Variants in ATP2A1 observed in about 807,000 individuals in gnomAD.
ATP2A1 encodes the protein ATPase sarcoplasmic/endoplasmic reticulum Ca2+ transporting 1, also known as sarcoplasmic/endoplasmic reticulum calcium ATPase 1.
Under a neutral mutation model 109.5 loss-of-function variants are expected in ATP2A1, and 83 were observed. That is an observed-to-expected ratio of 0.76 (90% confidence interval 0.63 to 0.91). The LOEUF (loss-of-function observed/expected upper bound fraction) is 0.91, where lower values mean the gene tolerates loss of function less well. Among genes scored for constraint, ATP2A1 ranks in the 40% least tolerant of loss-of-function variants. The pLI, the probability that ATP2A1 is intolerant of heterozygous loss-of-function variation, is 0.00. For missense variants in ATP2A1, 1,101 were observed against 1,341.0 expected, an observed-to-expected ratio of 0.82 and a Z score of 2.80; for synonymous variants, 505 against 537.6, an observed-to-expected ratio of 0.94 and a Z score of 0.84.
chr16:28,879,229 G>A lies in ATP2A1; in HGVS notation c.136+113G>A, dbSNP rs868817885. ...TTTGAGCAAATATCCCTTCCCAAAA[G>A]GCAAATCTCCCTCCCTAAAGGTTAG... On this transcript the variant is annotated intron_variant, in intron 2 of 22. Coordinates refer to ENST00000395503, the MANE Select transcript of ATP2A1 (RefSeq NM_004320.6). 1.1e-5 allele frequency: 15 copies of A among 1,358,106 alleles called. No homozygotes were observed. The Middle Eastern group carries it at 2.5e-3, about 228-fold the overall frequency. The allele number at this position is 1,358,106 out of a possible 1,614,324, so 84.1% of individuals were successfully genotyped here.
Position 28,903,249 on chromosome 16 carries a change from G to A in ATP2A1, c.2863-74G>A. ...GGGCGCCGATGTGGGAGGCTGGTGG[G>A]AGTGGGCTGGGCAGTGCTGGTCTCT... On this transcript the variant is annotated intron_variant, in intron 20 of 22. Coordinates refer to ENST00000395503, the MANE Select transcript of ATP2A1 (RefSeq NM_004320.6). The surrounding 1 kb of genome is among the most constrained non-coding windows in gnomAD (Gnocchi z 5.6). 6.4e-7 allele frequency: 1 copy of A among 1,572,412 alleles called. No individual in the cohort carries two copies. The highest frequency in any genetic ancestry group is 1.7e-5 in the Admixed American group (1 of 59,940).
At chr16:28,892,252 G>T in intron 9 of ATP2A1, 1 of 218,586 alleles carries the variant, frequency 4.6e-6, no homozygotes, top group South Asian at 4.8e-5. Context: ...TCAAACGTCA[G>T]CTTGAGAACA....
intron 1 of ATP2A1, 115 bp downstream of exon 1, chr16:28,878,904 G>A: frequency 3.7e-6 from 5 of 1,345,452 alleles, no homozygotes; most frequent in African/African-American, 2.9e-5. Flanking sequence ...GAGCTGGGCC[G>A]TTGTCCAATG....
At chr16:28,895,629 C>T (rs575420250) in intron 12 of ATP2A1, among the ~76,000 whole-genome samples, 15 of 151,094 alleles carry the variant, frequency 9.9e-5, no homozygotes, top group Admixed American at 9.2e-4. Context: ...AGTTTAAGAC[C>T]GGCCTGGGCA....
rs930541744 is a variant in ATP2A1 at position 28,883,084 on chromosome 16, G to A, written c.463+495G>A. Among the ~76,000 whole-genome samples, 7 of 152,228 alleles carry A rather than the reference G, an allele frequency of 4.6e-5. No individual in the cohort carries two copies. Among genetic ancestry groups the A allele is most frequent in the Admixed American group, 2.6e-4 (4 of 15,288 alleles). On this transcript the variant is annotated intron_variant, in intron 5 of 22. Transcript: ENST00000395503. This position sits in a 1 kb window ranked among gnomAD's most constrained non-coding sequence, Gnocchi z 5.2. ...AACTCAGGCCTGGCACAGAGCACGC[G>A]ACCGGGGAGGAGGGAGCTCAAGGAG...
Position 28,881,814 on chromosome 16 carries a change from AAG to A in ATP2A1, c.325-631_325-630del, listed in dbSNP as rs1280213656. On this transcript the variant is annotated intron_variant, in intron 4 of 22. Transcript: ENST00000395503. ...GAGACCCAGTCTCAAAAAAAAAAAA[AAG>A]AGAGAAATAGCACTTTCTCTTTGCC... 4.6e-5 allele frequency among the ~76,000 whole-genome samples: 7 copies of A among 151,436 alleles called. 1 individual carries two copies. The highest frequency in any genetic ancestry group is 4.4e-5 in the Non-Finnish European group (3 of 67,812).
intron 9 of ATP2A1, 135 bp from the exon 10 acceptor site, chr16:28,894,020 G>C (rs919665449): frequency 4.5e-5 from 32 of 719,060 alleles, no homozygotes; most frequent in Non-Finnish European, 5.9e-5. Flanking sequence ...GGGTATACGG[G>C]GGGGATGAGG....
chr16:28,878,840 C>G (rs755486263), intron 1 of ATP2A1, 51 bp downstream of exon 1: 1 of 1,570,714 alleles, frequency 6.4e-7, no homozygotes, highest in Non-Finnish European at 8.8e-7. Context: ...CCTGCACCCC[C>G]AAAACACACG....
At chr16:28,887,021 G>A (rs906999935) in intron 6 of ATP2A1, among the ~76,000 whole-genome samples, 168 bp from the exon 7 acceptor site, 2 of 150,960 alleles carry the variant, frequency 1.3e-5, no homozygotes, top group Non-Finnish European at 2.9e-5. Context: ...AGGAGCAATG[G>A]ACTTCCTAGC....
At chr16:28,899,264 T>G (rs984085749) in intron 14 of ATP2A1, among the ~76,000 whole-genome samples, 4 of 152,200 alleles carry the variant, frequency 2.6e-5, no homozygotes, top group African/African-American at 9.6e-5. Context: ...GTACAGAGGA[T>G]TTCTTCTAAG....
chr16:28,892,079 CAT>C (rs951009161), intron 9 of ATP2A1, among the ~76,000 whole-genome samples: 7 of 152,136 alleles, frequency 4.6e-5, no homozygotes, highest in Non-Finnish European at 7.3e-5. Flanking sequence ...TAAGCACTAT[CAT>C]AATGTTGAAG....
At chr16:28,891,787 G>A (rs993757898) in intron 9 of ATP2A1, among the ~76,000 whole-genome samples, 1 of 151,672 alleles carries the variant, frequency 6.6e-6, no homozygotes, top group Non-Finnish European at 1.5e-5. Flanking sequence ...GCTGAGGCAG[G>A]AGAATCGCTT....
chr16:28,881,105 C>G lies in ATP2A1; in HGVS notation c.324+86C>G, dbSNP rs967694684. 3.8e-6 allele frequency: 5 copies of G among 1,328,128 alleles called. No individual in the cohort carries two copies. In the African/African-American group the frequency reaches 5.8e-5, roughly 15 times the overall value. The allele number at this position is 1,328,128 out of a possible 1,614,324, so 82.3% of individuals were successfully genotyped here. A position where few individuals can be genotyped will look rare whatever the true frequency, so the allele number is the denominator to read the frequency against. On this transcript the variant is annotated intron_variant, in intron 4 of 22. Coordinates refer to ENST00000395503, the MANE Select transcript of ATP2A1 (RefSeq NM_004320.6). ...CCTCCAGTCTCCTCCTCCTCCATCA[C>G]CTCCCCCATACTTGCCTCTTCCTCT...
At chr16:28,882,357 T>G in intron 4 of ATP2A1, 94 bp from the exon 5 acceptor site, 1 of 1,557,966 alleles carries the variant, frequency 6.4e-7, no homozygotes, top group Non-Finnish European at 8.8e-7. Context: ...CCCCTGCCTG[T>G]GTGGGGTTTT....
Position 28,883,540 on chromosome 16 carries a change from G to A in ATP2A1, c.463+951G>A, listed in dbSNP as rs577905257. 1.7e-3 allele frequency among the ~76,000 whole-genome samples: 255 copies of A among 152,272 alleles called. No individual in the cohort carries two copies. The highest frequency in any genetic ancestry group is 5.8e-3 in the African/African-American group (240 of 41,540). On this transcript the variant is annotated intron_variant, in intron 5 of 22. Coordinates refer to ENST00000395503, the MANE Select transcript of ATP2A1 (RefSeq NM_004320.6). The surrounding 1 kb of genome is among the most constrained non-coding windows in gnomAD (Gnocchi z 5.2). ...CTTAGAAACAGAGGGAAAGGAAAGCGATTGGACCCTGTCCCCAGTACCATC... is the reference window on the plus strand; with the variant it reads ...CTTAGAAACAGAGGGAAAGGAAAGCAATTGGACCCTGTCCCCAGTACCATC...
At position 28,903,553 on chromosome 16, in the gene ATP2A1, G is replaced by A. The variant is rs1964155215; in HGVS notation, c.2980+113G>A. 2 of 1,236,468 alleles carry A rather than the reference G, an allele frequency of 1.6e-6. No homozygotes were observed. Among genetic ancestry groups the A allele is most frequent in the African/African-American group, 1.5e-5 (1 of 65,466 alleles). 76.6% of individuals were successfully genotyped at this position (1,236,468 alleles called of 1,614,324 possible). ...GGTGGTAAGTTTCTCAGCCCTGGCAGGACCTGTGTCCGCCCCGTTCCCCCT... is the reference window on the plus strand; with the variant it reads ...GGTGGTAAGTTTCTCAGCCCTGGCAAGACCTGTGTCCGCCCCGTTCCCCCT... On this transcript the variant is annotated intron_variant, in intron 21 of 22. Coordinates refer to ENST00000395503, the MANE Select transcript of ATP2A1 (RefSeq NM_004320.6). The surrounding 1 kb of genome is among the most constrained non-coding windows in gnomAD (Gnocchi z 5.6).
At chr16:28,878,951 C>T (rs907130283) in intron 1 of ATP2A1, 148 bp from the exon 2 acceptor site, 29 of 1,356,036 alleles carry the variant, frequency 2.1e-5, no homozygotes, top group Non-Finnish European at 3.1e-5. Context: ...AAACAGAGTC[C>T]CGAGATCCAG....
Position 28,898,321 on chromosome 16 carries a change from T to C in ATP2A1, c.1634T>C (p.Ile545Thr). Reference protein sequence around the residue: ...VPLTGPVKEKIMAVIKEWGTG... With the variant: ...VPLTGPVKEKTMAVIKEWGTG... ...CTGACGGGGCCGGTGAAGGAAAAGA[T>C]CATGGCGGTGATCAAGGAGTGGGGC... Residue 545 changes from isoleucine (I) to threonine (T), a missense_variant, in exon 14 of 23, where the codon ATC (isoleucine) becomes ACC (threonine). Coordinates refer to ENST00000395503, the MANE Select transcript of ATP2A1 (RefSeq NM_004320.6). The surrounding 1 kb of genome is among the most constrained non-coding windows in gnomAD (Gnocchi z 4.0). 6.2e-7 allele frequency: 1 copy of C among 1,614,158 alleles called. No individual in the cohort carries two copies. Among genetic ancestry groups the C allele is most frequent in the Non-Finnish European group, 8.5e-7 (1 of 1,180,012 alleles).
chr16:28,878,952 C>T (rs1596658672), intron 1 of ATP2A1, 147 bp from the exon 2 acceptor site: 1 of 1,356,078 alleles, frequency 7.4e-7, no homozygotes, highest in Admixed American at 1.7e-5. Context: ...AACAGAGTCC[C>T]GAGATCCAGA....
Sources: gnomAD v4.1 joint callset for allele counts (sites outside exome capture counted in the v4.1 genomes callset) on GRCh38, gnomAD v4.1.1 for gene constraint, Gnocchi (gnomAD v3.1) non-coding constraint, MANE v1.5 for transcripts, NCBI Gene and HGNC (gene_info 2026-07-23, HGNC 2026-07-21) for gene names.